The following SBNO2 variants were observed in gnomAD, a reference collection of about 807,000 sequenced individuals.
The protein encoded by SBNO2 is strawberry notch homolog 2, also known as protein strawberry notch homolog 2.
In SBNO2, 89 loss-of-function variants were observed where a neutral mutation model predicts 146.3. That is an observed-to-expected ratio of 0.61 (90% CI 0.51 to 0.73). The LOEUF (loss-of-function observed/expected upper bound fraction) is 0.73. Among genes scored for constraint, SBNO2 ranks in the 30% least tolerant of loss-of-function variants. The pLI is 0.00. For missense variants in SBNO2, 2,092 were observed against 2,003.7 expected (o/e 1.04, Z -0.84); for synonymous variants, 1,147 against 892.6 (o/e 1.29, Z -5.08).
Position 1,108,483 on chromosome 19 carries a change from G to T in SBNO2, c.3838C>A (p.Leu1280Met). The T allele has an allele frequency of 1.6e-6, 2 of 1,221,314 alleles. No homozygotes were observed. The highest frequency in any genetic ancestry group is 2.0e-6 in the Non-Finnish European group (2 of 977,498). The allele number at this position is 1,221,314 out of a possible 1,614,324, so 75.7% of individuals were successfully genotyped here. The change falls in exon 32 of 32, where the codon CTG (leucine) becomes ATG (methionine). Residue 1280 changes from leucine to methionine, a missense_variant. Transcript: ENST00000361757. ...PPPHFSFPAP[L>M]SLDAGPGVVP... ...ACGCCGGGGCCGGCGTCCAGGGACA[G>T]CGGCGCCGGGAAAGAGAAGTGCGGG...
chr19:1,169,485 C>T lies in SBNO2; in HGVS notation c.-127+4687G>A, dbSNP rs996408607. 2.6e-5 allele frequency among the ~76,000 whole-genome samples: 4 copies of T among 152,240 alleles called. No homozygotes were observed. In the South Asian group the frequency reaches 6.2e-4, roughly 24 times the overall value. On this transcript the variant is annotated intron_variant, in intron 1 of 31. Transcript: ENST00000361757. ...TGGCCCAAGGCCTGTCCCCCTCATG[C>T]CAAGAGCCCCGTAGGGCCCCTTCGA...
chr19:1,140,997 A>AG lies in SBNO2; in HGVS notation c.279+6311dup, dbSNP rs1244545098. ...AACCAACGGAGAGGCACTCTGGAGA[A>AG]GACACACCCTGGAGAAGACACACCC... On this transcript the variant is annotated intron_variant, in intron 4 of 31. Transcript: ENST00000361757. The surrounding 1 kb of genome is among the most constrained non-coding windows in gnomAD (Gnocchi z 4.4). 1.3e-4 allele frequency among the ~76,000 whole-genome samples: 20 copies of AG among 151,720 alleles called. No individual in the cohort carries two copies. The highest frequency in any genetic ancestry group is 2.4e-4 in the Non-Finnish European group (16 of 67,894).
intron 1 of SBNO2, among the ~76,000 whole-genome samples, chr19:1,161,663 T>C (rs2080346378): frequency 6.6e-6 from 1 of 151,696 alleles, no homozygotes; most frequent in Non-Finnish European, 1.5e-5. Context: ...GGACCCACAT[T>C]TTAGGAACGG....
In SBNO2 at chr19:1,112,795, C is replaced by A. The variant is rs1294466699; in HGVS notation, c.2379+23G>T. The A allele has an allele frequency of 1.9e-6, 3 of 1,553,912 alleles. No homozygotes were observed. The highest frequency in any genetic ancestry group is 2.6e-6 in the Non-Finnish European group (3 of 1,150,768). Reference sequence around the variant, plus strand: ...TGCCTCTTGGGTCCCGTGGGCCGCGCCCAGTGCACTGCAGCCCCGCACCTT... The same window carrying A: ...TGCCTCTTGGGTCCCGTGGGCCGCGACCAGTGCACTGCAGCCCCGCACCTT... On this transcript the variant is annotated intron_variant, in intron 20 of 31. Coordinates refer to ENST00000361757, the MANE Select transcript of SBNO2 (RefSeq NM_014963.3). This position sits in a 1 kb window ranked among gnomAD's most constrained non-coding sequence, Gnocchi z 5.9.
rs533123470 is a variant in SBNO2 at position 1,120,263 on chromosome 19, C to G, written c.1150-240G>C. 6.2e-5 allele frequency: 33 copies of G among 530,508 alleles called. No individual in the cohort carries two copies. The East Asian group carries it at 9.8e-4, about 16-fold the overall frequency. The allele number at this position is 530,508 out of a possible 1,614,324, so 32.9% of individuals were successfully genotyped here. A position where few individuals can be genotyped will look rare whatever the true frequency, so the allele number is the denominator to read the frequency against. ...GGGATGGCTCCTCCCAGACTCTAAACAACACACACCGAGGATGGGGCCTCC... is the reference window on the plus strand; with the variant it reads ...GGGATGGCTCCTCCCAGACTCTAAAGAACACACACCGAGGATGGGGCCTCC... On this transcript the variant is annotated intron_variant, in intron 11 of 31. Transcript: ENST00000361757.
intron 1 of SBNO2, among the ~76,000 whole-genome samples, chr19:1,165,701 C>CCAGACCCCAGATCT: frequency 8.7e-6 from 1 of 114,592 alleles, no homozygotes; most frequent in Non-Finnish European, 2.0e-5. Context: ...ATCTCAGACC[C>CCAGACCCCAGATCT]CAGACCCCAG....
At chr19:1,111,725 CCCTAGACT>C in intron 23 of SBNO2, 111 bp from the exon 24 acceptor site, 4 of 814,844 alleles carry the variant, frequency 4.9e-6, no homozygotes, top group Non-Finnish European at 6.0e-6. Flanking sequence ...CCCTGCCCTC[CCCTAGACT>C]CCTAGACCCC....
rs1260964810 is a variant in SBNO2, at chr19:1,158,805, CA to C, written c.-126-4404del. ...CCCCGGGTGTCCCGGGAACCCCGCA[CA>C]GAGCCACGGCCATAAGACAGAGCGG... is the stretch of plus-strand genomic sequence containing the variant. On this transcript the variant is annotated intron_variant, in intron 1 of 31. Coordinates refer to ENST00000361757, the MANE Select transcript of SBNO2 (RefSeq NM_014963.3). The surrounding 1 kb of genome is among the most constrained non-coding windows in gnomAD (Gnocchi z 9.9). Among the ~76,000 whole-genome samples the C allele has an allele frequency of 6.6e-6, 1 of 152,184 alleles. No individual in the cohort carries two copies. Among genetic ancestry groups the C allele is most frequent in the Non-Finnish European group, 1.5e-5 (1 of 68,022 alleles).
chr19:1,138,193 GGGGAGGCTCGGGCTGGGGTGTGGT>G (rs2080102282), intron 4 of SBNO2, among the ~76,000 whole-genome samples: 1 of 140,772 alleles, frequency 7.1e-6, no homozygotes, highest in Non-Finnish European at 1.6e-5. Context: ...GGTGCGGTGG[GGGGAGGCTCGGGCTGGGGTGTGGT>G]GGGGAGGAGA....
intron 1 of SBNO2, among the ~76,000 whole-genome samples, chr19:1,171,152 AAC>A (rs1036478102): frequency 5.9e-5 from 9 of 151,914 alleles, no homozygotes; most frequent in East Asian, 3.9e-4. Context: ...GCACCCATAA[AAC>A]ACACGCGTAT....
At chr19:1,116,290 T>G (rs2079831211) in intron 16 of SBNO2, among the ~76,000 whole-genome samples, 187 bp from the exon 17 acceptor site, 1 of 151,804 alleles carries the variant, frequency 6.6e-6, no homozygotes, top group South Asian at 2.1e-4. Flanking sequence ...TCCTCTGGCC[T>G]CCTGGTGTCA....
rs772855981 is a variant in SBNO2, at chr19:1,154,299, C to T, written c.-23G>A. On this transcript the variant is annotated 5_prime_UTR_variant, in exon 2 of 32. Coordinates refer to ENST00000361757, the MANE Select transcript of SBNO2 (RefSeq NM_014963.3). ...CATCGGGCGGCAGGCGGGGTGGGGT[C>T]CTCGGCCGGGCAGCAGGCGGCGGGA... 3.1e-5 allele frequency: 38 copies of T among 1,236,540 alleles called. No individual in the cohort carries two copies. The highest frequency in any genetic ancestry group is 3.9e-5 in the Non-Finnish European group (38 of 984,932). 76.6% of individuals were successfully genotyped at this position (1,236,540 alleles called of 1,614,324 possible).
chr19:1,123,706 A>C (rs900493915), intron 6 of SBNO2, 67 bp from the exon 7 acceptor site: 2 of 1,452,186 alleles, frequency 1.4e-6, no homozygotes, highest in African/African-American at 1.4e-5. Context: ...GGGCTCCCCC[A>C]GGGGCAGGGG....
At chr19:1,142,080 TCCTCATGATCAACCCTCACTCAGTGACC>T (rs2080143606) in intron 4 of SBNO2, among the ~76,000 whole-genome samples, 1 of 103,104 alleles carries the variant, frequency 9.7e-6, no homozygotes. Flanking sequence ...ATGGCCTCCC[TCCTCATGATCAACCCTCACTCAGTGACC>T]TCCCTCATGA....
At position 1,136,016 on chromosome 19, in the gene SBNO2, G is replaced by A. The variant is rs1568600787; in HGVS notation, c.280-8251C>T. The stretch of plus-strand genomic sequence containing the variant: ...AATCCGGTCCTTGCAGATGTGAGTG[G>A]TTAAAAAAAAAAAGGCCGCACTGGC... On this transcript the variant is annotated intron_variant, in intron 4 of 31. Coordinates refer to ENST00000361757, the MANE Select transcript of SBNO2 (RefSeq NM_014963.3). This position sits in a 1 kb window ranked among gnomAD's most constrained non-coding sequence, Gnocchi z 4.2. Among the ~76,000 whole-genome samples the A allele has an allele frequency of 6.6e-6, 1 of 151,396 alleles. No individual in the cohort carries two copies. The highest frequency in any genetic ancestry group is 2.4e-5 in the African/African-American group (1 of 41,244).
intron 4 of SBNO2, among the ~76,000 whole-genome samples, chr19:1,134,148 C>T (rs902301822): frequency 8.0e-6 from 1 of 124,990 alleles, no homozygotes; most frequent in Non-Finnish European, 1.7e-5. Flanking sequence ...CCACAGCTCA[C>T]GGGTGGACTC....
In SBNO2 at chr19:1,140,995, G is replaced by A. The variant is rs1599859571; in HGVS notation, c.279+6314C>T. ...AAAACCAACGGAGAGGCACTCTGGA[G>A]AAGACACACCCTGGAGAAGACACAC... On this transcript the variant is annotated intron_variant, in intron 4 of 31. Coordinates refer to ENST00000361757, the MANE Select transcript of SBNO2 (RefSeq NM_014963.3). The surrounding 1 kb of genome is among the most constrained non-coding windows in gnomAD (Gnocchi z 4.4). Among the ~76,000 whole-genome samples, 1 of 151,844 alleles carries A rather than the reference G, an allele frequency of 6.6e-6. No homozygotes were observed. The highest frequency in any genetic ancestry group is 2.4e-5 in the African/African-American group (1 of 41,506).
chr19:1,111,843 TC>T (rs1157349237), intron 23 of SBNO2, among the ~76,000 whole-genome samples, 152 bp downstream of exon 23: 1 of 145,034 alleles, frequency 6.9e-6, no homozygotes, highest in Non-Finnish European at 1.5e-5. Flanking sequence ...GAAGCCCCCT[TC>T]CCCCCTGGGG....
intron 4 of SBNO2, among the ~76,000 whole-genome samples, chr19:1,145,162 G>A (rs1028436253): frequency 6.6e-6 from 1 of 151,880 alleles, no homozygotes; most frequent in Non-Finnish European, 1.5e-5. Context: ...GGGAGAGAGA[G>A]AGACAGAGAA....
Sources: gnomAD v4.1 joint callset for allele counts (sites outside exome capture counted in the v4.1 genomes callset) on GRCh38, gnomAD v4.1.1 for gene constraint, Gnocchi (gnomAD v3.1) non-coding constraint, MANE v1.5 for transcripts, NCBI Gene and HGNC (gene_info 2026-07-23, HGNC 2026-07-21) for gene names.